Variants in PSG3 observed in about 807,000 individuals in gnomAD.
PSG3 encodes pregnancy specific beta-1-glycoprotein 3.
In PSG3, 61 loss-of-function variants were observed where a neutral mutation model predicts 47.5. The observed-to-expected ratio is 1.28, with a 90% CI of 1.05 to 1.59. The LOEUF (loss-of-function observed/expected upper bound fraction) is 1.59. Ranked by LOEUF, PSG3 falls within the 40% of genes most tolerant of loss-of-function variation. The pLI is 0.00. For missense variants in PSG3, 756 were observed against 524.0 expected, an observed-to-expected ratio of 1.44 and a Z score of -4.32; for synonymous variants, 263 against 198.4, an observed-to-expected ratio of 1.33 and a Z score of -2.74.
Position 42,738,909 on chromosome 19 carries a change from T to C in PSG3, c.245A>G (p.Tyr82Cys). 1 of 1,613,990 alleles carries C rather than the reference T, an allele frequency of 6.2e-7. No individual in the cohort carries two copies. The highest frequency in any genetic ancestry group is 8.5e-7 in the Non-Finnish European group (1 of 1,179,944). The change falls in exon 2 of 7, where the codon TAC (tyrosine) becomes TGC (cysteine). Residue 82 changes from tyrosine to cysteine, a missense_variant. By Grantham distance (194) the Tyr-to-Cys change is radical (BLOSUM62 -2). Transcript: ENST00000327495. Reference protein sequence around the residue: ...MKDLYHYITSYVVDGQIIIYG... With the variant: ...MKDLYHYITSCVVDGQIIIYG... Reference sequence around the variant, plus strand: ...TATAATTATTTGACCATCTACTACGTATGATGTAATGTAATGGTAGAGGTC... The same window carrying C: ...TATAATTATTTGACCATCTACTACGCATGATGTAATGTAATGGTAGAGGTC...
At chr19:42,736,013 C>T (rs1969557260) in intron 2 of PSG3, among the ~76,000 whole-genome samples, 1 of 152,170 alleles carries the variant, frequency 6.6e-6, no homozygotes, top group Non-Finnish European at 1.5e-5. Flanking sequence ...GCCAGGCTAA[C>T]CTTGGGAGGA....
At chr19:42,730,203 G>T in intron 3 of PSG3, 147 bp from the exon 4 acceptor site, 6 of 1,445,636 alleles carry the variant, frequency 4.2e-6, no homozygotes, top group Non-Finnish European at 5.6e-6. Context: ...CAAGACAGAT[G>T]CATGATGATC....
At chr19:42,724,874 C>CATATAT (rs542715083) in intron 5 of PSG3, among the ~76,000 whole-genome samples, 16 of 150,548 alleles carry the variant, frequency 1.1e-4, no homozygotes, top group Middle Eastern at 3.4e-3. Flanking sequence ...CCTCTTTTTC[C>CATATAT]ATATATATAT....
At chr19:42,723,557 A>G (rs139901405) in intron 6 of PSG3, among the ~76,000 whole-genome samples, 284 of 152,368 alleles carry the variant, frequency 1.9e-3, no homozygotes, top group African/African-American at 6.5e-3. Context: ...GTCATATGCA[A>G]GGAAGATTTC....
At chr19:42,733,119 G>A (rs1214969019) in intron 2 of PSG3, 57 bp from the exon 3 acceptor site, 1 of 1,572,792 alleles carries the variant, frequency 6.4e-7, no homozygotes, top group Non-Finnish European at 8.6e-7. Flanking sequence ...TCCTCCAAAG[G>A]CATTTTTCAA....
intron 6 of PSG3, among the ~76,000 whole-genome samples, 182 bp downstream of exon 6, chr19:42,723,760 G>A (rs1448424232): frequency 6.6e-6 from 1 of 152,128 alleles, no homozygotes; most frequent in Non-Finnish European, 1.5e-5. Flanking sequence ...CTAAAAGACA[G>A]TGGGGTACAG....
intron 2 of PSG3, among the ~76,000 whole-genome samples, chr19:42,737,224 G>C (rs374734920): frequency 1.9e-4 from 29 of 152,140 alleles, no homozygotes; most frequent in Admixed American, 4.6e-4. Flanking sequence ...GGTAGTGGGG[G>C]GATGAAACGT....
At chr19:42,726,984 T>C (rs370841407) in intron 5 of PSG3, among the ~76,000 whole-genome samples, 1 of 152,292 alleles carries the variant, frequency 6.6e-6, no homozygotes, top group African/African-American at 2.4e-5. Context: ...CTTGCATATA[T>C]GGCCAAATGA....
At chr19:42,730,500 A>G (rs1346978056) in intron 3 of PSG3, among the ~76,000 whole-genome samples, 1 of 152,216 alleles carries the variant, frequency 6.6e-6, no homozygotes, top group East Asian at 1.9e-4. Flanking sequence ...AGAGATGAGT[A>G]ATAATGGGAC....
chr19:42,726,078 A>C (rs1969373775), intron 5 of PSG3, among the ~76,000 whole-genome samples: 1 of 152,168 alleles, frequency 6.6e-6, no homozygotes, highest in Non-Finnish European at 1.5e-5. Context: ...GATTGAATCA[A>C]TAAAACATTT....
Position 42,730,789 on chromosome 19 carries a change from T to C in PSG3, c.710-733A>G, listed in dbSNP as rs1344737650. 1.1e-4 allele frequency among the ~76,000 whole-genome samples: 16 copies of C among 152,320 alleles called. No individual in the cohort carries two copies. In the East Asian group the frequency reaches 1.9e-3, roughly 18 times the overall value. The stretch of plus-strand genomic sequence containing the variant: ...TTGGAGCAGAAGCATGTTCCCTGTC[T>C]TGGGTTCTTTAAGTTTCCTCTCCTT... On this transcript the variant is annotated intron_variant, in intron 3 of 6. Coordinates refer to ENST00000327495, the MANE Select transcript of PSG3 (RefSeq NM_021016.4).
intron 6 of PSG3, 124 bp from the exon 7 acceptor site, chr19:42,722,214 A>G: frequency 2.5e-6 from 1 of 395,120 alleles, no homozygotes; most frequent in Non-Finnish European, 4.5e-6. Flanking sequence ...AACATATTTG[A>G]TTTCCAGAAA....
At position 42,739,237 on chromosome 19, in the gene PSG3, G is replaced by T; in HGVS notation, c.65-148C>A. 1.6e-6 allele frequency: 2 copies of T among 1,290,022 alleles called. 1 individual carries two copies. The highest frequency in any genetic ancestry group is 2.9e-5 in the South Asian group (2 of 68,308). 79.9% of individuals were successfully genotyped at this position (1,290,022 alleles called of 1,614,324 possible). On this transcript the variant is annotated intron_variant, in intron 1 of 6. Coordinates refer to ENST00000327495, the MANE Select transcript of PSG3 (RefSeq NM_021016.4). ...ACAAACACACACACACACACAAAAG[G>T]GGCATGTGTATATGTGTTTGTGTCC... is the stretch of plus-strand genomic sequence containing the variant.
intron 3 of PSG3, among the ~76,000 whole-genome samples, chr19:42,731,459 C>T (rs1253059753): frequency 1.3e-5 from 2 of 151,994 alleles, no homozygotes; most frequent in South Asian, 2.1e-4. Flanking sequence ...GATTAGTTTT[C>T]GGTGAATTCC....
intron 1 of PSG3, chr19:42,739,314 T>G: frequency 1.3e-6 from 1 of 786,540 alleles, no homozygotes; most frequent in Non-Finnish European, 1.9e-6. Context: ...CCTTCAACAC[T>G]TCTGACCTTG....
At chr19:42,736,113 A>C (rs534711112) in intron 2 of PSG3, among the ~76,000 whole-genome samples, 9 of 152,326 alleles carry the variant, frequency 5.9e-5, no homozygotes, top group African/African-American at 2.2e-4. Context: ...CTGCCTTTGT[A>C]AAACTAGTGA....
In PSG3 at chr19:42,738,719, C is replaced by T. The variant is rs376103990; in HGVS notation, c.430+5G>A. On this transcript the variant is annotated splice_donor_5th_base_variant and intron_variant, in intron 2 of 6. Transcript: ENST00000327495. ...AACACCCAGTGATCACGTGGAGTCA[C>T]TCACGGTATAAGGTGAAGGTGAAAT... The T allele has an allele frequency of 1.2e-5, 20 of 1,613,428 alleles. No homozygotes were observed. The highest frequency in any genetic ancestry group is 1.6e-5 in the Non-Finnish European group (19 of 1,179,684).
At chr19:42,724,113 C>T (rs1164342618) in intron 5 of PSG3, 88 bp from the exon 6 acceptor site, 2 of 1,488,928 alleles carry the variant, frequency 1.3e-6, no homozygotes, top group African/African-American at 1.4e-5. Context: ...ACATGAGGTA[C>T]TCTATAATTG....
intron 2 of PSG3, among the ~76,000 whole-genome samples, chr19:42,735,853 C>T (rs946895698): frequency 6.6e-6 from 1 of 152,236 alleles, no homozygotes; most frequent in South Asian, 2.1e-4. Flanking sequence ...GTGAAATGAG[C>T]CCATGGGGTT....
Sources: allele counts gnomAD v4.1 joint callset (sites outside exome capture counted in the v4.1 genomes callset), GRCh38; gene constraint gnomAD v4.1.1; transcripts MANE v1.5; gene names NCBI Gene and HGNC (gene_info 2026-07-23, HGNC 2026-07-21).